TNR: variants seen among roughly 807,000 people sequenced by gnomAD.
The protein encoded by TNR is tenascin R.
A neutral mutation model predicts 150.4 loss-of-function variants in TNR; 45 were observed. The observed-to-expected ratio is 0.30, with a 90% confidence interval of 0.24 to 0.38. The LOEUF is 0.38. Among genes scored for constraint, TNR ranks in the 10% least tolerant of loss-of-function variants. The pLI, the probability that TNR is intolerant of heterozygous loss-of-function variation, is 1.00. For missense variants in TNR, 1,544 were observed against 1,759.1 expected (o/e 0.88, Z 2.19); for synonymous variants, 687 against 678.4 (o/e 1.01, Z -0.20).
intron 2 of TNR, among the ~76,000 whole-genome samples, chr1:175,444,851 A>C (rs1235469393): frequency 6.6e-6 from 1 of 152,194 alleles, no homozygotes; most frequent in African/African-American, 2.4e-5. Flanking sequence ...TGCAGAGAGT[A>C]TGGGGACAGA....
intron 2 of TNR, among the ~76,000 whole-genome samples, chr1:175,450,432 C>T (rs918258119): frequency 4.6e-5 from 7 of 152,226 alleles, no homozygotes; most frequent in Non-Finnish European, 8.8e-5. Flanking sequence ...GGACCACCTC[C>T]TCCAGGGAGA....
intron 1 of TNR, among the ~76,000 whole-genome samples, chr1:175,690,328 C>T (rs1013368557): frequency 6.6e-6 from 1 of 152,226 alleles, no homozygotes; most frequent in African/African-American, 2.4e-5. Context: ...AATGTTTACA[C>T]AAGAACATAT....
chr1:175,351,091 C>T lies in TNR; in HGVS notation c.3382+3300G>A, dbSNP rs927741776. The stretch of plus-strand genomic sequence containing the variant: ...CACCTGGGAGGCTTCCAGTGTTTCT[C>T]AGACTTCTTGCTCAGCAAGAGTAAT... On this transcript the variant is annotated intron_variant, in intron 18 of 22. Transcript: ENST00000367674. 3.9e-5 allele frequency among the ~76,000 whole-genome samples: 6 copies of T among 152,240 alleles called. No individual in the cohort carries two copies. In the East Asian group the frequency reaches 7.7e-4, roughly 20 times the overall value.
Position 175,406,442 on chromosome 1 carries a change from C to T in TNR, c.273G>A (p.Val91=). 1 of 1,614,194 alleles carries T rather than the reference C, an allele frequency of 6.2e-7. No homozygotes were observed. The highest frequency in any genetic ancestry group is 1.1e-5 in the South Asian group (1 of 91,080). The change falls in exon 3 of 23, where the codon GTG becomes GTA. Residue 91 remains valine (V), a synonymous_variant. Coordinates refer to ENST00000367674, the MANE Select transcript of TNR (RefSeq NM_003285.3). ...CTGCCAGAGTCTCGTCTTCTGCACT[C>T]ACCTCCTGCTCAGCAGAGGCCTCTA... The part of the protein sequence containing the change: ...SGLEASAEQE[V]SAEDETLAEY...
At chr1:175,693,419 G>T (rs1056832647) in intron 1 of TNR, among the ~76,000 whole-genome samples, 1 of 152,200 alleles carries the variant, frequency 6.6e-6, no homozygotes, top group Non-Finnish European at 1.5e-5. Flanking sequence ...CCTCTAAGAT[G>T]ATCTGTTTAC....
chr1:175,355,010 TC>T (rs1176324658), intron 17 of TNR, among the ~76,000 whole-genome samples: 3 of 152,252 alleles, frequency 2.0e-5, no homozygotes, highest in Non-Finnish European at 4.4e-5. Flanking sequence ...ATTTGTTGTT[TC>T]TTTACTGTAG....
intron 1 of TNR, among the ~76,000 whole-genome samples, chr1:175,582,294 C>A (rs1242612320): frequency 6.6e-6 from 1 of 152,156 alleles, no homozygotes; most frequent in Non-Finnish European, 1.5e-5. Context: ...ATTGCAAGAG[C>A]TAGGACTCAC....
intron 1 of TNR, among the ~76,000 whole-genome samples, chr1:175,623,450 G>T (rs750366648): frequency 2.0e-5 from 3 of 152,170 alleles, no homozygotes; most frequent in Non-Finnish European, 2.9e-5. Flanking sequence ...ATCCCAATTT[G>T]TTGGAGGTGC....
chr1:175,385,256 G>T (rs1163477368), intron 8 of TNR, among the ~76,000 whole-genome samples: 1 of 152,198 alleles, frequency 6.6e-6, no homozygotes, highest in African/African-American at 2.4e-5. Context: ...CCTGTCCTTT[G>T]GATGGTGCCT....
At chr1:175,657,432 A>C (rs1268491975) in intron 1 of TNR, among the ~76,000 whole-genome samples, 1 of 152,184 alleles carries the variant, frequency 6.6e-6, no homozygotes, top group African/African-American at 2.4e-5. Context: ...ATATACCCAA[A>C]GGATTATAAA....
At chr1:175,397,130 C>T (rs1433075241) in intron 4 of TNR, among the ~76,000 whole-genome samples, 1 of 152,106 alleles carries the variant, frequency 6.6e-6, no homozygotes, top group African/African-American at 2.4e-5. Flanking sequence ...TAACCTAATA[C>T]TTAAGTAAAT....
intron 2 of TNR, among the ~76,000 whole-genome samples, chr1:175,490,246 G>A (rs1031280199): frequency 1.3e-5 from 2 of 152,156 alleles, no homozygotes; most frequent in African/African-American, 4.8e-5. Flanking sequence ...AGACTTAAAT[G>A]TAAAACCCAA....
At chr1:175,335,610 C>A (rs1557871461) in intron 20 of TNR, 101 bp downstream of exon 20, 14 of 1,204,584 alleles carry the variant, frequency 1.2e-5, no homozygotes, top group Non-Finnish European at 1.6e-5. Flanking sequence ...AGCTTCTCAA[C>A]AAACACAGGG....
At chr1:175,531,055 A>G (rs974423264) in intron 1 of TNR, among the ~76,000 whole-genome samples, 3 of 152,176 alleles carry the variant, frequency 2.0e-5, no homozygotes, top group Non-Finnish European at 4.4e-5. Context: ...GCACCTCCAA[A>G]GTGATTTAGA....
chr1:175,602,303 T>C (rs1363756265), intron 1 of TNR, among the ~76,000 whole-genome samples: 2 of 150,894 alleles, frequency 1.3e-5, no homozygotes, highest in African/African-American at 2.4e-5. Context: ...GGTCCTCAAA[T>C]TGCATCAGAG....
chr1:175,616,200 T>TG (rs143989019), intron 1 of TNR, among the ~76,000 whole-genome samples: 284 of 152,304 alleles, frequency 1.9e-3, no homozygotes, highest in African/African-American at 6.1e-3. Context: ...AAGTATTCTC[T>TG]GGGGGATGCA....
chr1:175,707,081 A>G (rs1002287877), intron 1 of TNR, among the ~76,000 whole-genome samples: 3 of 152,172 alleles, frequency 2.0e-5, no homozygotes, highest in African/African-American at 7.2e-5. Flanking sequence ...GACTTTTCTG[A>G]TACATTAGGG....
intron 1 of TNR, among the ~76,000 whole-genome samples, chr1:175,661,467 G>GA (rs1215022461): frequency 6.6e-6 from 1 of 152,156 alleles, no homozygotes; most frequent in Non-Finnish European, 1.5e-5. Context: ...CATCAAGGAA[G>GA]ACTTGGCCGG....
chr1:175,403,255 G>A lies in TNR; in HGVS notation c.861C>T (p.Tyr287=), dbSNP rs776340561. ...GCCGCTGGCCGCAGTCCTCACCAAC[G>A]TAGCCCTCCTCGCATAAACAGGTAC... The part of the protein sequence containing the change: ...ANGTCLCEEG[Y]VGEDCGQRQC... Residue 287 remains tyrosine, a synonymous_variant, in exon 4 of 23, where the codon TAC becomes TAT. Transcript: ENST00000367674. The A allele has an allele frequency of 6.8e-6, 11 of 1,613,948 alleles. No homozygotes were observed. The highest frequency in any genetic ancestry group is 2.7e-5 in the African/African-American group (2 of 74,902).
Sources: gnomAD v4.1 joint callset for allele counts (sites outside exome capture counted in the v4.1 genomes callset) on GRCh38, gnomAD v4.1.1 for gene constraint, MANE v1.5 for transcripts, NCBI Gene and HGNC (gene_info 2026-07-23, HGNC 2026-07-21) for gene names.